GRAMD4: variants seen among roughly 807,000 people sequenced by gnomAD.
GRAMD4 encodes GRAM domain containing 4, also known as GRAM domain-containing protein 4.
A neutral mutation model predicts 83.9 loss-of-function variants in GRAMD4; 25 were observed. The ratio of observed to expected loss-of-function variants is 0.30; its 90% CI spans 0.22 to 0.42. The LOEUF (loss-of-function observed/expected upper bound fraction) is 0.42, where lower values mean the gene tolerates loss of function less well. Ranked by LOEUF, GRAMD4 falls within the 10% of genes least tolerant of loss-of-function variation. The pLI is 1.00. For missense variants in GRAMD4, 593 were observed against 788.7 expected (o/e 0.75, Z 2.97); for synonymous variants, 336 against 320.9 (o/e 1.05, Z -0.50).
intron 6 of GRAMD4, 148 bp from the exon 7 acceptor site, chr22:46,663,690 G>T: frequency 1.3e-6 from 1 of 757,998 alleles, no homozygotes. Flanking sequence ...CTGAGCCGCC[G>T]TGCATGGCCA....
intron 3 of GRAMD4, among the ~76,000 whole-genome samples, chr22:46,650,484 T>A (rs1415062127): frequency 1.3e-5 from 2 of 152,010 alleles, no homozygotes; most frequent in Non-Finnish European, 2.9e-5. Flanking sequence ...TCTGGGCCTG[T>A]GTAGGCCTGA....
chr22:46,675,296 G>A (rs2082579913), intron 16 of GRAMD4, among the ~76,000 whole-genome samples, 172 bp from the exon 17 acceptor site: 2 of 152,192 alleles, frequency 1.3e-5, no homozygotes, highest in Admixed American at 1.3e-4. Flanking sequence ...GGCCGTGAGT[G>A]TCTCATATAG....
intron 1 of GRAMD4, among the ~76,000 whole-genome samples, chr22:46,594,372 T>G (rs2081240360): frequency 6.6e-6 from 1 of 151,588 alleles, no homozygotes; most frequent in Non-Finnish European, 1.5e-5. Context: ...GTGGGTATGG[T>G]GGGTGATGAT....
intron 5 of GRAMD4, 137 bp downstream of exon 5, chr22:46,661,579 T>A (rs894166974): frequency 3.0e-6 from 2 of 668,412 alleles, no homozygotes; most frequent in African/African-American, 3.6e-5. Context: ...AGGTGCTGGT[T>A]CTGTGCCCAG....
rs776801224 is a variant in GRAMD4 at position 46,637,879 on chromosome 22, G to A, written c.202G>A (p.Asp68Asn). 6.2e-7 allele frequency: 1 copy of A among 1,614,014 alleles called. No homozygotes were observed. The highest frequency in any genetic ancestry group is 2.2e-5 in the East Asian group (1 of 44,884). ...GTLIMATGVQ[D>N]FNRTEFDRLN... ...CCTCATCATGGCCACAGGAGTCCAG[G>A]ACTTTAACCGGACAGAGTTTGATCG... The change falls in exon 3 of 19, where the codon GAC (aspartate) becomes AAC (asparagine). Residue 68 changes from aspartate (D) to asparagine (N), a missense_variant. Physicochemically the swap from Asp to Asn is conservative, Grantham distance 23. This residue lies in a region of GRAMD4 where 312 missense variants were observed against 350.7 expected (regional missense o/e 0.89). Coordinates refer to ENST00000406902, the MANE Select transcript of GRAMD4 (RefSeq NM_015124.5).
At position 46,672,924 on chromosome 22, in the gene GRAMD4, C is replaced by T; in HGVS notation, c.1166C>T (p.Pro389Leu). Residue 389 changes from proline (P) to leucine (L), a missense_variant, in exon 14 of 19, where the codon CCC becomes CTC. Around this residue, in one of 4 missense-constraint regions of GRAMD4, gnomAD observed 171 missense variants for 199.6 expected, o/e 0.86. Transcript: ENST00000406902. The surrounding 1 kb of genome is among the most constrained non-coding windows in gnomAD (Gnocchi z 4.7). ...AGGCTGCGCGCCAAGTACGACACGCCCTATATCATCTGGAGGAGTCTCCCC... is the reference window on the plus strand; with the variant it reads ...AGGCTGCGCGCCAAGTACGACACGCTCTATATCATCTGGAGGAGTCTCCCC... ...CPRLRAKYDTPYIIWRSLPTD... is the reference protein window; with the variant it reads ...CPRLRAKYDTLYIIWRSLPTD... The T allele has an allele frequency of 6.2e-7, 1 of 1,611,914 alleles. No homozygotes were observed. The highest frequency in any genetic ancestry group is 8.5e-7 in the Non-Finnish European group (1 of 1,179,572).
chr22:46,661,351 C>T, intron 4 of GRAMD4, 30 bp from the exon 5 acceptor site: 1 of 1,595,112 alleles, frequency 6.3e-7, no homozygotes, highest in Non-Finnish European at 8.6e-7. Flanking sequence ...ACTAACAGAC[C>T]TCTTGTCTCT....
Position 46,665,657 on chromosome 22 carries a change from T to C in GRAMD4, c.760T>C (p.Phe254Leu), listed in dbSNP as rs751405651. 6.2e-7 allele frequency: 1 copy of C among 1,608,130 alleles called. No homozygotes were observed. ...GTGGCATGGCTGGGCCATCCCATTGTTCTTATTTCTAGCAATTCTGAGGTT... is the reference window on the plus strand; with the variant it reads ...GTGGCATGGCTGGGCCATCCCATTGCTCTTATTTCTAGCAATTCTGAGGTT... Reference protein sequence around the residue: ...AVWHGWAIPLFLFLAILRLSL... With the variant: ...AVWHGWAIPLLLFLAILRLSL... The change falls in exon 9 of 19, where the codon TTC becomes CTC. Residue 254 changes from phenylalanine to leucine, a missense_variant. This residue lies in a region of GRAMD4 where 312 missense variants were observed against 350.7 expected (regional missense o/e 0.89). Coordinates refer to ENST00000406902, the MANE Select transcript of GRAMD4 (RefSeq NM_015124.5).
At chr22:46,680,744 A>ATCCATCCG (rs2082663473), downstream of GRAMD4, among the ~76,000 whole-genome samples, 1 of 50,860 alleles carries the variant, frequency 2.0e-5, no homozygotes, top group African/African-American at 9.3e-5. Context: ...CCACCCACCC[A>ATCCATCCG]TCCATCCATC....
rs762409680 is a variant in GRAMD4 at position 46,666,855 on chromosome 22, C to T, written c.840C>T (p.Pro280=). 27 of 1,603,584 alleles carry T rather than the reference C, an allele frequency of 1.7e-5. No homozygotes were observed. The highest frequency in any genetic ancestry group is 4.5e-5 in the East Asian group (2 of 44,172). The stretch of plus-strand genomic sequence containing the variant: ...GGCGGATACAGTGGAGCATCGTGCC[C>T]GAAGTGTCTGAGCCCGTGGTAAGTC... ...RGWRIQWSIV[P]EVSEPVEPPK... The change falls in exon 10 of 19, where the codon CCC becomes CCT. Residue 280 remains proline, a synonymous_variant. Transcript: ENST00000406902.
Position 46,672,788 on chromosome 22 carries a change from AG to A in GRAMD4, c.1085-54del, listed in dbSNP as rs2082530447. The A allele has an allele frequency of 2.1e-6, 3 of 1,436,956 alleles. No homozygotes were observed. 89.0% of individuals were successfully genotyped at this position (1,436,956 alleles called of 1,614,324 possible). A position where few individuals can be genotyped will look rare whatever the true frequency, so the allele number is the denominator to read the frequency against. On this transcript the variant is annotated intron_variant, in intron 13 of 18. Coordinates refer to ENST00000406902, the MANE Select transcript of GRAMD4 (RefSeq NM_015124.5). The surrounding 1 kb of genome is among the most constrained non-coding windows in gnomAD (Gnocchi z 4.7). ...AGGTGCCGGAACCATCACCCTGAGT[AG>A]ACTGGCATAGCTGCAGAGCTCTAGA...
At chr22:46,642,674 T>C (rs1201738380) in intron 3 of GRAMD4, among the ~76,000 whole-genome samples, 1 of 152,220 alleles carries the variant, frequency 6.6e-6, no homozygotes, top group Non-Finnish European at 1.5e-5. Flanking sequence ...TTTCTTCCTT[T>C]GAGGCTGTGT....
At chr22:46,587,054 CCTCGCATGCTTT>C (rs1205568213) in intron 1 of GRAMD4, among the ~76,000 whole-genome samples, 1 of 152,344 alleles carries the variant, frequency 6.6e-6, no homozygotes, top group East Asian at 1.9e-4. Context: ...TCGCCTACTT[CCTCGCATGCTTT>C]CTCAGCCCAC....
upstream of GRAMD4, among the ~76,000 whole-genome samples, chr22:46,617,769 C>T (rs1354598951): frequency 2.0e-5 from 3 of 152,140 alleles, no homozygotes; most frequent in African/African-American, 7.2e-5. Flanking sequence ...GGGCCCGCTC[C>T]CTGGCCCCCC....
chr22:46,612,872 T>C (rs1315771740), intron 1 of GRAMD4, among the ~76,000 whole-genome samples: 1 of 152,224 alleles, frequency 6.6e-6, no homozygotes, highest in African/African-American at 2.4e-5. Context: ...GCCCCCAGGC[T>C]GAAGTGCTGT....
rs3081630 is a variant in GRAMD4, at chr22:46,639,153, A to AGTGTGT, written c.283+1216_283+1221dup. Among the ~76,000 whole-genome samples, 812 of 149,712 alleles carry AGTGTGT rather than the reference A, an allele frequency of 5.4e-3. 2 individuals carry two copies. The highest frequency in any genetic ancestry group is 0.017 in the East Asian group (86 of 5,024). ...GGCTATGGTTAACGGTGTGTGCGTG[A>AGTGTGT]GTGTGTGTGTGTGTGTGTGTGTGTG... On this transcript the variant is annotated intron_variant, in intron 3 of 18. Transcript: ENST00000406902.
intron 2 of GRAMD4, among the ~76,000 whole-genome samples, chr22:46,635,636 G>A (rs533706255): frequency 2.1e-4 from 22 of 103,482 alleles, no homozygotes; most frequent in African/African-American, 3.4e-4. Context: ...CTGTCCTGGG[G>A]GACCGTGTCC....
chr22:46,582,806 G>A (rs2081111103), intron 1 of GRAMD4, among the ~76,000 whole-genome samples: 1 of 152,234 alleles, frequency 6.6e-6, no homozygotes, highest in East Asian at 1.9e-4. Context: ...CGGACTTCTA[G>A]TACATTCACC....
chr22:46,603,122 G>A (rs566791675), intron 1 of GRAMD4, among the ~76,000 whole-genome samples: 4 of 151,438 alleles, frequency 2.6e-5, no homozygotes, highest in African/African-American at 7.3e-5. Context: ...TTTTTTTCCC[G>A]GGTTATCATT....
Sources: allele counts gnomAD v4.1 joint callset (sites outside exome capture counted in the v4.1 genomes callset), GRCh38; gene constraint gnomAD v4.1.1; regional missense constraint gnomAD v4.1.1; non-coding constraint Gnocchi (gnomAD v3.1); transcripts MANE v1.5; gene names NCBI Gene and HGNC (gene_info 2026-07-23, HGNC 2026-07-21).